Variants in ESYT2 observed in about 807,000 individuals in gnomAD.
ESYT2 encodes the protein extended synaptotagmin-2.
ESYT2 carries 54 observed loss-of-function variants against 107.2 expected under a neutral mutation model. That is an observed-to-expected ratio of 0.50 (90% CI 0.40 to 0.63). The LOEUF is 0.63. ESYT2 is among the 30% of genes least tolerant of loss of function. The probability of loss-of-function intolerance (pLI) is 0.00; values close to 1 mark genes in which losing one functional copy is unlikely to be tolerated. For missense variants in ESYT2, 1,020 were observed against 1,094.5 expected (o/e 0.93, Z 0.96); for synonymous variants, 491 against 434.1 (o/e 1.13, Z -1.63).
chr7:158,792,825 G>A (rs1351974727), intron 4 of ESYT2, among the ~76,000 whole-genome samples: 1 of 141,546 alleles, frequency 7.1e-6, no homozygotes, highest in Non-Finnish European at 1.5e-5. Context: ...CTGGAGCGCA[G>A]TGGCATGATC....
chr7:158,779,579 A>G (rs1239211115), intron 6 of ESYT2, among the ~76,000 whole-genome samples: 1 of 152,164 alleles, frequency 6.6e-6, no homozygotes, highest in East Asian at 1.9e-4. Context: ...CAACTAGATA[A>G]GCCAAGGACA....
chr7:158,763,333 C>T, intron 9 of ESYT2, among the ~76,000 whole-genome samples, 168 bp from the exon 10 acceptor site: 1 of 152,090 alleles, frequency 6.6e-6, no homozygotes, highest in East Asian at 1.9e-4. Flanking sequence ...CTCGCTCTAT[C>T]TCCCAGGTTG....
chr7:158,754,424 G>T (rs1312611387), intron 13 of ESYT2, among the ~76,000 whole-genome samples: 1 of 151,890 alleles, frequency 6.6e-6, no homozygotes, highest in Non-Finnish European at 1.5e-5. Context: ...TGTTGGCCAG[G>T]ATGGTCTTGA....
intron 9 of ESYT2, among the ~76,000 whole-genome samples, chr7:158,763,972 G>A (rs1378843234): frequency 1.3e-5 from 2 of 152,162 alleles, no homozygotes; most frequent in African/African-American, 2.4e-5. Context: ...TAAACCGTAC[G>A]ACTGTTCTGA....
intron 16 of ESYT2, among the ~76,000 whole-genome samples, chr7:158,745,414 G>A (rs935899220): frequency 4.7e-5 from 7 of 148,900 alleles, no homozygotes; most frequent in East Asian, 2.0e-4. Context: ...AGATTTAAAC[G>A]CCATGCTCTT....
At chr7:158,740,674 C>G (rs1837160795) in intron 18 of ESYT2, among the ~76,000 whole-genome samples, 1 of 152,110 alleles carries the variant, frequency 6.6e-6, no homozygotes, top group South Asian at 2.1e-4. Flanking sequence ...AAAAGTGTTT[C>G]CTTGTTTAAA....
At position 158,741,624 on chromosome 7, in the gene ESYT2, T is replaced by C. The variant is rs562066737; in HGVS notation, c.2067A>G (p.Pro689=). ...GRSSSSLLAS[P]GHISVKEPTP... ...TCGGCTCCTTGACTGAGATGTGGCC[T>C]GGGGAGGCCAGGAGGCTGGAGGAGC... The change falls in exon 18 of 23, where the codon CCA becomes CCG. Residue 689 remains proline, a synonymous_variant. Coordinates refer to ENST00000275418, the MANE Select transcript of ESYT2 (RefSeq NM_001367773.1). The C allele has an allele frequency of 1.9e-6, 3 of 1,613,232 alleles. No homozygotes were observed. The highest frequency in any genetic ancestry group is 3.3e-5 in the Admixed American group (2 of 60,004).
chr7:158,810,007 T>A (rs73732403), intron 1 of ESYT2, among the ~76,000 whole-genome samples: 4 of 152,250 alleles, frequency 2.6e-5, no homozygotes, highest in Non-Finnish European at 4.4e-5. Context: ...ACTTAATTTG[T>A]CTGAGATTTT....
At chr7:158,756,285 G>T (rs1837752419) in intron 13 of ESYT2, among the ~76,000 whole-genome samples, 1 of 152,206 alleles carries the variant, frequency 6.6e-6, no homozygotes, top group Admixed American at 6.5e-5. Flanking sequence ...CCTGAAGCAG[G>T]TGAAAACGGC....
intron 6 of ESYT2, among the ~76,000 whole-genome samples, chr7:158,781,782 AGT>A (rs1293145101): frequency 6.6e-6 from 1 of 152,024 alleles, no homozygotes; most frequent in Non-Finnish European, 1.5e-5. Context: ...AACGAGAACA[AGT>A]GTGAACGAGT....
At position 158,798,074 on chromosome 7, in the gene ESYT2, A is replaced by C; in HGVS notation, c.375T>G (p.Thr125=). 1 of 1,614,144 alleles carries C rather than the reference A, an allele frequency of 6.2e-7. No homozygotes were observed. ...DTERAEWLNK[T]VKHMWPFICQ... ...AAATGAAAGGCCACATGTGTTTTACAGTCTGGAAAGGAAAAAGAACTCAGT... is the reference window on the plus strand; with the variant it reads ...AAATGAAAGGCCACATGTGTTTTACCGTCTGGAAAGGAAAAAGAACTCAGT... Residue 125 remains threonine, a splice_region_variant and synonymous_variant, in exon 3 of 23, where the codon ACT becomes ACG. Coordinates refer to ENST00000275418, the MANE Select transcript of ESYT2 (RefSeq NM_001367773.1).
intron 21 of ESYT2, among the ~76,000 whole-genome samples, 178 bp downstream of exon 21, chr7:158,735,325 A>G (rs1175114066): frequency 1.3e-5 from 2 of 152,248 alleles, no homozygotes; most frequent in African/African-American, 4.8e-5. Context: ...TTAACTTAAA[A>G]TATCTTCAGA....
At chr7:158,759,395 G>A (rs1837882619) in intron 13 of ESYT2, 91 bp downstream of exon 13, 1 of 959,754 alleles carries the variant, frequency 1.0e-6, no homozygotes, top group Non-Finnish European at 1.6e-6. Flanking sequence ...AAGAGAACAG[G>A]TGATGCAGAG....
intron 4 of ESYT2, among the ~76,000 whole-genome samples, chr7:158,793,336 T>G (rs1839366210): frequency 6.6e-6 from 1 of 152,232 alleles, no homozygotes; most frequent in Admixed American, 6.5e-5. Flanking sequence ...CTTTTTAATA[T>G]GCTGCCGAAT....
rs192594185 is a variant in ESYT2, at chr7:158,818,364, T to C, written c.330+10725A>G. ...CTCCTTGGATATTATTTTAGGGATA[T>C]ACAGAGAGGAAGAGAAAGTGAAATT... On this transcript the variant is annotated intron_variant, in intron 1 of 22. Transcript: ENST00000275418. 9.6e-3 allele frequency among the ~76,000 whole-genome samples: 1,468 copies of C among 152,294 alleles called. 102 individuals are homozygous for C. Among genetic ancestry groups the C allele is most frequent in the Admixed American group, 0.09 (1,371 of 15,298 alleles).
chr7:158,800,682 G>A (rs1356019536), intron 1 of ESYT2, among the ~76,000 whole-genome samples: 4 of 151,276 alleles, frequency 2.6e-5, no homozygotes, highest in African/African-American at 9.7e-5. Flanking sequence ...GAGCCACTGT[G>A]CCCAGTCCAC....
chr7:158,751,296 G>A (rs778385772), intron 14 of ESYT2, among the ~76,000 whole-genome samples: 7 of 152,026 alleles, frequency 4.6e-5, no homozygotes, highest in Non-Finnish European at 7.4e-5. Flanking sequence ...AAAACTTAGC[G>A]GCATTTAAAA....
At chr7:158,748,741 G>A (rs1180473431) in intron 15 of ESYT2, among the ~76,000 whole-genome samples, 2 of 151,254 alleles carry the variant, frequency 1.3e-5, no homozygotes, top group Non-Finnish European at 2.9e-5. Flanking sequence ...TGGTAGGGGG[G>A]ACAGAGTCTT....
intron 2 of ESYT2, 75 bp from the exon 3 acceptor site, chr7:158,798,151 C>T (rs1839525916): frequency 6.6e-7 from 1 of 1,519,300 alleles, no homozygotes; most frequent in African/African-American, 1.4e-5. Context: ...CGTGAGAAAC[C>T]CTCGCAACAG....
Sources: allele counts gnomAD v4.1 joint callset (sites outside exome capture counted in the v4.1 genomes callset), GRCh38; gene constraint gnomAD v4.1.1; transcripts MANE v1.5; gene names NCBI Gene and HGNC (gene_info 2026-07-23, HGNC 2026-07-21).